The following IMMP2L variants were observed in gnomAD, a reference collection of about 807,000 sequenced individuals.
The protein encoded by IMMP2L is mitochondrial inner membrane protease subunit 2.
In IMMP2L, 18 loss-of-function variants were observed where a neutral mutation model predicts 19.3. That is an observed-to-expected ratio of 0.93 (90% CI 0.64 to 1.38). IMMP2L has a LOEUF of 1.38. Ranked by LOEUF, IMMP2L falls within the 40% of genes most tolerant of loss-of-function variation. The pLI is 0.00. For missense variants in IMMP2L, 233 were observed against 218.2 expected (o/e 1.07, Z -0.43); for synonymous variants, 76 against 73.0 (o/e 1.04, Z -0.21).
At chr7:110,731,257 A>G (rs147350951) in intron 5 of IMMP2L, among the ~76,000 whole-genome samples, 43 of 152,318 alleles carry the variant, frequency 2.8e-4, no homozygotes, top group African/African-American at 9.9e-4. Flanking sequence ...TATTATGTTT[A>G]TAAGAAATCT....
At chr7:110,802,489 G>C (rs557914146) in intron 5 of IMMP2L, among the ~76,000 whole-genome samples, 5 of 151,378 alleles carry the variant, frequency 3.3e-5, no homozygotes, top group Non-Finnish European at 7.4e-5. Flanking sequence ...TTATTATTTT[G>C]TAATTTTATT....
At chr7:111,014,657 A>G (rs1036010074) in intron 3 of IMMP2L, among the ~76,000 whole-genome samples, 5 of 151,882 alleles carry the variant, frequency 3.3e-5, no homozygotes, top group African/African-American at 2.4e-5. Flanking sequence ...ATGGAATGGG[A>G]AAAAAAATCA....
intron 3 of IMMP2L, among the ~76,000 whole-genome samples, chr7:111,265,163 C>T (rs1817698124): frequency 6.6e-6 from 1 of 152,164 alleles, no homozygotes; most frequent in South Asian, 2.1e-4. Flanking sequence ...CAGATTCCTT[C>T]CCACATGGTT....
At chr7:110,875,144 G>C (rs1169993449) in intron 5 of IMMP2L, among the ~76,000 whole-genome samples, 1 of 152,136 alleles carries the variant, frequency 6.6e-6, no homozygotes, top group East Asian at 1.9e-4. Context: ...GGTTTAACCA[G>C]TAATGCCCAT....
chr7:111,282,735 C>T (rs79466754), intron 3 of IMMP2L, among the ~76,000 whole-genome samples: 2,158 of 152,200 alleles, frequency 0.014, 24 homozygotes, highest in Non-Finnish European at 0.022. Flanking sequence ...AGGCGTGAGC[C>T]ACAATGCTAA....
intron 1 of IMMP2L, among the ~76,000 whole-genome samples, chr7:111,556,014 G>GTGTGTGTATATATATATATATA: frequency 8.7e-6 from 1 of 114,602 alleles, no homozygotes; most frequent in African/African-American, 3.3e-5. Flanking sequence ...TCTTCTGTGT[G>GTGTGTGTATATATATATATATA]CATGTATATA....
chr7:111,293,163 C>T (rs1054649345), intron 3 of IMMP2L, among the ~76,000 whole-genome samples: 3 of 151,996 alleles, frequency 2.0e-5, no homozygotes, highest in African/African-American at 4.8e-5. Flanking sequence ...CCCCTGAATT[C>T]GGCTCTTTCC....
rs148437080 is a variant in IMMP2L, at chr7:110,900,915, C to T, written c.306-14220G>A. Among the ~76,000 whole-genome samples the T allele has an allele frequency of 1.8e-4, 28 of 152,100 alleles. No individual in the cohort carries two copies. The East Asian group carries it at 4.1e-3, about 22-fold the overall frequency. ...CATGGCTACACTTTTGGCCTCATCG[C>T]CTCTTGCTCACTCCACTGAAACCAC... On this transcript the variant is annotated intron_variant, in intron 4 of 5. Transcript: ENST00000405709.
intron 3 of IMMP2L, among the ~76,000 whole-genome samples, chr7:111,278,303 A>G (rs1819326097): frequency 6.6e-6 from 1 of 152,190 alleles, no homozygotes; most frequent in African/African-American, 2.4e-5. Context: ...GTATATAGAG[A>G]AAATTATACT....
At chr7:110,907,656 A>C (rs1812611285) in intron 4 of IMMP2L, among the ~76,000 whole-genome samples, 1 of 152,170 alleles carries the variant, frequency 6.6e-6, no homozygotes, top group South Asian at 2.1e-4. Flanking sequence ...TCCTGTCCCT[A>C]TCAATAGTTT....
chr7:111,335,812 T>C (rs1163620425), intron 3 of IMMP2L, among the ~76,000 whole-genome samples: 7 of 152,102 alleles, frequency 4.6e-5, no homozygotes, highest in Non-Finnish European at 8.8e-5. Context: ...ATCCTTCTTA[T>C]AAAACAGCAG....
intron 3 of IMMP2L, among the ~76,000 whole-genome samples, chr7:111,090,517 A>C (rs1796748710): frequency 6.6e-6 from 1 of 151,468 alleles, no homozygotes; most frequent in African/African-American, 2.4e-5. Flanking sequence ...TTTAAAAAGT[A>C]CCCCCTCAAA....
rs1390225219 is a variant in IMMP2L at position 111,123,291 on chromosome 7, A to G, written c.240-159726T>C. 1 of 1,613,720 alleles carries G rather than the reference A, an allele frequency of 6.2e-7. No individual in the cohort carries two copies. The highest frequency in any genetic ancestry group is 1.7e-5 in the Admixed American group (1 of 59,928). On this transcript the variant is annotated intron_variant, in intron 3 of 5. Transcript: ENST00000405709. The surrounding 1 kb of genome is among the most constrained non-coding windows in gnomAD (Gnocchi z 6.4). ...ATCTTCTTCGACTTCATCTCAATTC[A>G]AATAGATTGCAGATGATCAACAGTA...
intron 4 of IMMP2L, among the ~76,000 whole-genome samples, chr7:110,903,683 T>G (rs1410299862): frequency 6.6e-6 from 1 of 152,210 alleles, no homozygotes; most frequent in African/African-American, 2.4e-5. Context: ...TGTTTCTATA[T>G]GCTGTCTGAT....
intron 3 of IMMP2L, among the ~76,000 whole-genome samples, chr7:111,234,293 G>T (rs982671630): frequency 6.6e-6 from 1 of 151,984 alleles, no homozygotes; most frequent in Admixed American, 6.6e-5. Flanking sequence ...TTCTTTGTAT[G>T]ATACAGATGC....
intron 3 of IMMP2L, among the ~76,000 whole-genome samples, chr7:111,142,340 AAAAGAAAGAAAG>A (rs1199789345): frequency 0.079 from 1,295 of 16,342 alleles, 87 homozygotes; most frequent in African/African-American, 0.095. Context: ...AAAAAAAAAA[AAAAGAAAGAAAG>A]AAAGAAAGAA....
intron 1 of IMMP2L, among the ~76,000 whole-genome samples, chr7:111,541,334 C>A (rs573405580): frequency 2.6e-4 from 39 of 152,130 alleles, no homozygotes; most frequent in Non-Finnish European, 4.9e-4. Context: ...CTTGTCTGAT[C>A]TTTACGTCAT....
intron 3 of IMMP2L, among the ~76,000 whole-genome samples, chr7:111,079,414 G>T (rs1795700487): frequency 6.6e-6 from 1 of 152,134 alleles, no homozygotes; most frequent in Non-Finnish European, 1.5e-5. Flanking sequence ...ACCGCGCCCG[G>T]CCTAATTTTT....
At chr7:111,380,125 T>C (rs1831056816) in intron 3 of IMMP2L, among the ~76,000 whole-genome samples, 1 of 151,982 alleles carries the variant, frequency 6.6e-6, no homozygotes, top group Admixed American at 6.6e-5. Flanking sequence ...TTTATTATAA[T>C]ATCTAAAAAA....
Sources: gnomAD v4.1 joint callset for allele counts (sites outside exome capture counted in the v4.1 genomes callset) on GRCh38, gnomAD v4.1.1 for gene constraint, Gnocchi (gnomAD v3.1) non-coding constraint, MANE v1.5 for transcripts, NCBI Gene and HGNC (gene_info 2026-07-23, HGNC 2026-07-21) for gene names.